SHARPIN: variants seen among roughly 807,000 people sequenced by gnomAD.
SHARPIN encodes the protein hSIPL1.
In SHARPIN, 25 loss-of-function variants were observed where a neutral mutation model predicts 40.3. The ratio of observed to expected loss-of-function variants is 0.62; its 90% confidence interval spans 0.45 to 0.87. The LOEUF (loss-of-function observed/expected upper bound fraction) is 0.87. Among genes scored for constraint, SHARPIN ranks in the 40% least tolerant of loss-of-function variants. The pLI, the probability that SHARPIN is intolerant of heterozygous loss-of-function variation, is 0.00. For synonymous variants in SHARPIN, 274 were observed against 221.8 expected (o/e 1.24, Z -2.09); for missense variants, 551 against 516.1 (o/e 1.07, Z -0.66).
At position 144,099,978 on chromosome 8, in the gene SHARPIN, A is replaced by G. The variant is rs747952143; in HGVS notation, c.468T>C (p.Pro156=). Residue 156 remains proline, a synonymous_variant, in exon 3 of 9, where the codon CCT becomes CCC. Transcript: ENST00000398712. ...SPPEASTLKG[P]PPEADLPRSP... ...TCCTAGGAAGATCTGCCTCAGGTGG[A>G]GGGCCCTTGAGTGTGGAGGCTTCCG... The G allele has an allele frequency of 1.1e-5, 17 of 1,551,984 alleles. No individual in the cohort carries two copies. The highest frequency in any genetic ancestry group is 1.3e-5 in the Non-Finnish European group (15 of 1,146,402).
chr8:144,098,759 G>T lies in SHARPIN; in HGVS notation c.*42C>A. The T allele has an allele frequency of 1.4e-6, 1 of 736,818 alleles. No individual in the cohort carries two copies. Among genetic ancestry groups the T allele is most frequent in the South Asian group, 2.1e-5 (1 of 48,630 alleles). The allele number at this position is 736,818 out of a possible 1,614,324, so 45.6% of individuals were successfully genotyped here. A position where few individuals can be genotyped will look rare whatever the true frequency, so the allele number is the denominator to read the frequency against. The stretch of plus-strand genomic sequence containing the variant: ...GTGGGGGCCTGGAGATGTCGGACTT[G>T]TGAGGGAAGGGCCACTCTCCCCTTG... On this transcript the variant is annotated 3_prime_UTR_variant, in exon 9 of 9. Coordinates refer to ENST00000398712, the MANE Select transcript of SHARPIN (RefSeq NM_030974.4).
rs1188332426 is a variant in SHARPIN at position 144,098,903 on chromosome 8, T to C, written c.1139A>G (p.Asp380Gly). Residue 380 changes from aspartate to glycine, a missense_variant, in exon 8 of 9, where the codon GAC becomes GGC. Physicochemically the swap from Asp to Gly is moderately conservative, Grantham distance 94. Coordinates refer to ENST00000398712, the MANE Select transcript of SHARPIN (RefSeq NM_030974.4). ...MCSTQRPCTW[D>G]PLAAAST Reference sequence around the variant, plus strand: ...CTAGGTGGAAGCTGCAGCAAGGGGGTCCCAAGTGCAGGGCCTCTGGGTGCT... The same window carrying C: ...CTAGGTGGAAGCTGCAGCAAGGGGGCCCCAAGTGCAGGGCCTCTGGGTGCT... 5.7e-6 allele frequency: 9 copies of C among 1,589,014 alleles called. No homozygotes were observed. The highest frequency in any genetic ancestry group is 6.8e-6 in the Non-Finnish European group (8 of 1,171,750).
intron 2 of SHARPIN, among the ~76,000 whole-genome samples, chr8:144,101,928 G>A (rs979846863): frequency 6.6e-6 from 1 of 152,154 alleles, no homozygotes; most frequent in African/African-American, 2.4e-5. Context: ...ACCCTGAGTT[G>A]CTTGAGTCTC....
intron 2 of SHARPIN, chr8:144,102,764 C>T: frequency 1.8e-6 from 1 of 542,320 alleles, no homozygotes; most frequent in Non-Finnish European, 3.3e-6. Context: ...TGCTCTGCCT[C>T]TTCATGCTTG....
chr8:144,103,329 A>T (rs1046894840), intron 1 of SHARPIN, 104 bp from the exon 2 acceptor site: 2 of 1,316,786 alleles, frequency 1.5e-6, no homozygotes, highest in Non-Finnish European at 2.1e-6. Flanking sequence ...CACGGTCCTA[A>T]GCCCTGTACG....
At position 144,099,575 on chromosome 8, in the gene SHARPIN, C is replaced by T. The variant is rs747258304; in HGVS notation, c.703G>A (p.Ala235Thr). The change falls in exon 5 of 9, where the codon GCG becomes ACG. Residue 235 changes from alanine (A) to threonine (T), a missense_variant. Transcript: ENST00000398712. ...LEDAASAASA[A>T]SSAHVALQVH... ...TGCAGGGCAACGTGTGCAGAGGACG[C>T]GGCGGATGCGGCAGAGGCAGCGTCT... The T allele has an allele frequency of 1.7e-5, 28 of 1,613,962 alleles. No homozygotes were observed. In the South Asian group the frequency reaches 2.2e-4, roughly 13 times the overall value.
At chr8:144,102,757 T>C in intron 2 of SHARPIN, 1 of 529,324 alleles carries the variant, frequency 1.9e-6, no homozygotes, top group Non-Finnish European at 3.4e-6. Context: ...CCCTGCCTGC[T>C]CTGCCTCTTC....
In SHARPIN at chr8:144,098,793, G is replaced by T. The variant is rs1360621015; in HGVS notation, c.*13-5C>A. The T allele has an allele frequency of 6.6e-6, 7 of 1,058,938 alleles. No individual in the cohort carries two copies. Among genetic ancestry groups the T allele is most frequent in the Admixed American group, 5.2e-5 (2 of 38,528 alleles). The allele number at this position is 1,058,938 out of a possible 1,614,324, so 65.6% of individuals were successfully genotyped here. ...GGGCCACTCTCCCCTTGTAACCTGT[G>T]GGGGAGGAGCTGGGTCATTCCTGTG... On this transcript the variant is annotated splice_polypyrimidine_tract_variant and splice_region_variant and intron_variant, in intron 8 of 8. Transcript: ENST00000398712.
rs777277438 is a variant in SHARPIN, at chr8:144,099,260, C to G, written c.922+17G>C. 6.8e-6 allele frequency: 11 copies of G among 1,613,834 alleles called. No individual in the cohort carries two copies. In the Admixed American group the frequency reaches 1.0e-4, roughly 15 times the overall value. ...CTGCACCCCACCTCCCACACCCCAC[C>G]CCCATCGAGGACTGACCTGGGGCTT... On this transcript the variant is annotated intron_variant, in intron 6 of 8. Coordinates refer to ENST00000398712, the MANE Select transcript of SHARPIN (RefSeq NM_030974.4).
Position 144,098,999 on chromosome 8 carries a change from G to C in SHARPIN, c.1048-5C>G. On this transcript the variant is annotated splice_polypyrimidine_tract_variant and splice_region_variant and intron_variant, in intron 7 of 8. Transcript: ENST00000398712. ...GGAAGGACAGGACCAGCTGGGCTGGGGGAAGAGAGACAGTTGTTGCTTCCC... is the reference window on the plus strand; with the variant it reads ...GGAAGGACAGGACCAGCTGGGCTGGCGGAAGAGAGACAGTTGTTGCTTCCC... 1 of 1,602,420 alleles carries C rather than the reference G, an allele frequency of 6.2e-7. No homozygotes were observed. Among genetic ancestry groups the C allele is most frequent in the Non-Finnish European group, 8.5e-7 (1 of 1,176,560 alleles).
In SHARPIN at chr8:144,099,004, G is replaced by C. The variant is rs780204048; in HGVS notation, c.1048-10C>G. 1.9e-6 allele frequency: 3 copies of C among 1,602,018 alleles called. No individual in the cohort carries two copies. In the Admixed American group the frequency reaches 5.4e-5, roughly 29 times the overall value. The stretch of plus-strand genomic sequence containing the variant: ...GACAGGACCAGCTGGGCTGGGGGAA[G>C]AGAGACAGTTGTTGCTTCCCTGCTC... On this transcript the variant is annotated splice_polypyrimidine_tract_variant and intron_variant, in intron 7 of 8. Transcript: ENST00000398712.
chr8:144,102,776 C>G, intron 2 of SHARPIN: 1 of 567,402 alleles, frequency 1.8e-6, no homozygotes, highest in East Asian at 3.1e-5. Flanking sequence ...TCATGCTTGC[C>G]TCTCATCCTT....
In SHARPIN at chr8:144,099,669, G is replaced by A. The variant is rs76591178; in HGVS notation, c.659+34C>T. 2,751 of 1,613,010 alleles carry A rather than the reference G, an allele frequency of 1.7e-3. 41 individuals carry two copies. The African/African-American group carries it at 0.032, about 19-fold the overall frequency. On this transcript the variant is annotated intron_variant, in intron 4 of 8. Coordinates refer to ENST00000398712, the MANE Select transcript of SHARPIN (RefSeq NM_030974.4). ...TGGATGGGGGACCTGGGATGGTCAC[G>A]AGGACAAGGTGAAGAAGCAGCCCCA... is the stretch of plus-strand genomic sequence containing the variant.
At chr8:144,100,382 A>G (rs560669320) in intron 2 of SHARPIN, among the ~76,000 whole-genome samples, 22 of 152,368 alleles carry the variant, frequency 1.4e-4, no homozygotes, top group Non-Finnish European at 2.4e-4. Flanking sequence ...CAGCAGAACC[A>G]AAGCAGGCCC....
chr8:144,102,300 G>A (rs558322802), intron 2 of SHARPIN, among the ~76,000 whole-genome samples: 4 of 144,168 alleles, frequency 2.8e-5, no homozygotes, highest in African/African-American at 1.0e-4. Flanking sequence ...TTGAGATGGA[G>A]TCTTGCTCTG....
chr8:144,101,403 A>ATTT lies in SHARPIN; in HGVS notation c.377-1337_377-1335dup, dbSNP rs34270727. Among the ~76,000 whole-genome samples, 388 of 92,292 alleles carry ATTT rather than the reference A, an allele frequency of 4.2e-3. 3 individuals are homozygous for ATTT. Among genetic ancestry groups the ATTT allele is most frequent in the Non-Finnish European group, 5.1e-3 (258 of 50,944 alleles). The allele number at this position is 92,292 out of a possible 152,430, so 60.5% of individuals were successfully genotyped here. A position where few individuals can be genotyped will look rare whatever the true frequency, so the allele number is the denominator to read the frequency against. ...AGGCAGACACGACTACACTCAGCTA[A>ATTT]TTTTTTTTTTTTTTTTTTTTTGTGA... On this transcript the variant is annotated intron_variant, in intron 2 of 8. Transcript: ENST00000398712.
Position 144,098,865 on chromosome 8 carries a change from C to CCT in SHARPIN, c.*11_*12dup. 1.3e-6 allele frequency: 2 copies of CCT among 1,574,012 alleles called. No homozygotes were observed. The highest frequency in any genetic ancestry group is 1.7e-6 in the Non-Finnish European group (2 of 1,163,382). ...TCCCCTGCCTGTGCCACCTCTGGTA[C>CCT]CTCTGGTGGCTGCTAGGTGGAAGCT... On this transcript the variant is annotated splice_region_variant and 3_prime_UTR_variant. Coordinates refer to ENST00000398712, the MANE Select transcript of SHARPIN (RefSeq NM_030974.4).
At chr8:144,103,481 G>A in intron 1 of SHARPIN, 72 bp downstream of exon 1, 3 of 1,441,296 alleles carry the variant, frequency 2.1e-6, no homozygotes. Flanking sequence ...GGCAAGCGGA[G>A]GGGCCTAACT....
chr8:144,103,316 T>TTACACGGTCC (rs909497976), intron 1 of SHARPIN, 91 bp from the exon 2 acceptor site: 1 of 1,412,128 alleles, frequency 7.1e-7, no homozygotes, highest in African/African-American at 1.4e-5. Context: ...TATAGACCAT[T>TTACACGGTCC]TACACGGTCC....
Sources: allele counts gnomAD v4.1 joint callset (sites outside exome capture counted in the v4.1 genomes callset), GRCh38; gene constraint gnomAD v4.1.1; transcripts MANE v1.5; gene names NCBI Gene and HGNC (gene_info 2026-07-23, HGNC 2026-07-21).